The following SGTB variants were observed in gnomAD, a reference collection of about 807,000 sequenced individuals.
The protein encoded by SGTB is small glutamine-rich tetratricopeptide repeat-containing protein beta.
In SGTB, 19 loss-of-function variants were observed where a neutral mutation model predicts 43.9. The observed-to-expected ratio is 0.43, with a 90% CI of 0.30 to 0.63. The LOEUF is 0.63. Among genes scored for constraint, SGTB ranks in the 30% least tolerant of loss-of-function variants. The probability of loss-of-function intolerance (pLI) is 0.12; values close to 1 mark genes in which losing one functional copy is unlikely to be tolerated. For synonymous variants in SGTB, 116 were observed against 117.3 expected (o/e 0.99, Z 0.07); for missense variants, 304 against 358.9 (o/e 0.85, Z 1.24).
rs1757050329 is a variant in SGTB, at chr5:65,666,897, T to C, written c.*3349A>G. On this transcript the variant is annotated 3_prime_UTR_variant, in exon 11 of 11. Coordinates refer to ENST00000381007, the MANE Select transcript of SGTB (RefSeq NM_019072.3). ...TTTTAAAGTTTTTTTTCTTATAGTA[T>C]CTTTGTCTGGGTAATACTGGTCAAA... 6.6e-6 allele frequency: 1 copy of C among 152,202 alleles called. No homozygotes were observed. Among genetic ancestry groups the C allele is most frequent in the African/African-American group, 2.4e-5 (1 of 41,458 alleles). 9.4% of individuals were successfully genotyped at this position (152,202 alleles called of 1,614,324 possible).
intron 8 of SGTB, among the ~76,000 whole-genome samples, chr5:65,675,037 C>T (rs952539101): frequency 4.6e-5 from 7 of 152,052 alleles, no homozygotes; most frequent in African/African-American, 1.7e-4. Context: ...AAACTGATTC[C>T]TGCCTTCCAA....
intron 5 of SGTB, among the ~76,000 whole-genome samples, chr5:65,686,562 T>C (rs1044579415): frequency 5.3e-5 from 8 of 151,976 alleles, no homozygotes; most frequent in African/African-American, 1.9e-4. Flanking sequence ...TCTCGCTATA[T>C]TGCCCAGGCA....
chr5:65,695,077 AC>A (rs1561159406), intron 5 of SGTB, among the ~76,000 whole-genome samples: 1 of 152,194 alleles, frequency 6.6e-6, no homozygotes, highest in Non-Finnish European at 1.5e-5. Flanking sequence ...TAGAAAAAAA[AC>A]GTCTTGGCAG....
intron 2 of SGTB, among the ~76,000 whole-genome samples, chr5:65,713,935 G>A (rs1561167672): frequency 6.6e-6 from 1 of 151,924 alleles, no homozygotes; most frequent in East Asian, 1.9e-4. Context: ...AGGCTGAGGT[G>A]GGAGGATTGC....
Position 65,666,726 on chromosome 5 carries a change from A to G in SGTB, c.*3520T>C, listed in dbSNP as rs1187654309. 6.6e-6 allele frequency: 1 copy of G among 152,208 alleles called. No homozygotes were observed. Among genetic ancestry groups the G allele is most frequent in the Non-Finnish European group, 1.5e-5 (1 of 68,004 alleles). The allele number at this position is 152,208 out of a possible 1,614,324, so 9.4% of individuals were successfully genotyped here. A position where few individuals can be genotyped will look rare whatever the true frequency, so the allele number is the denominator to read the frequency against. On this transcript the variant is annotated 3_prime_UTR_variant, in exon 11 of 11. Coordinates refer to ENST00000381007, the MANE Select transcript of SGTB (RefSeq NM_019072.3). ...ATAGAATGGAAATGTAGGCAAGTGG[A>G]CAGATAGCATCTAGATTGAATTTGT...
rs969838993 is a variant in SGTB at position 65,669,999 on chromosome 5, T to A, written c.*247A>T. The A allele has an allele frequency of 7.4e-6, 3 of 404,648 alleles. No homozygotes were observed. Among genetic ancestry groups the A allele is most frequent in the Non-Finnish European group, 1.3e-5 (3 of 226,878 alleles). The allele number at this position is 404,648 out of a possible 1,614,324, so 25.1% of individuals were successfully genotyped here. On this transcript the variant is annotated 3_prime_UTR_variant, in exon 11 of 11. Transcript: ENST00000381007. The stretch of plus-strand genomic sequence containing the variant: ...AATGGAACCTTATCCCAGTGCTATA[T>A]TGGCACGTAACATGGCTAGTGATCA...
At chr5:65,708,727 CAT>C (rs1212588424) in intron 3 of SGTB, among the ~76,000 whole-genome samples, 169 bp from the exon 4 acceptor site, 3 of 151,386 alleles carry the variant, frequency 2.0e-5, no homozygotes, top group Non-Finnish European at 4.4e-5. Flanking sequence ...AAAGTCCTCT[CAT>C]ATATTTTTTA....
intron 5 of SGTB, among the ~76,000 whole-genome samples, chr5:65,689,902 G>GT (rs1757573044): frequency 7.5e-6 from 1 of 133,610 alleles, no homozygotes; most frequent in African/African-American, 2.7e-5. Context: ...CTTTGCTTCA[G>GT]TTTAAAAAAA....
chr5:65,666,441 T>C lies in SGTB; in HGVS notation c.*3805A>G, dbSNP rs992075316. On this transcript the variant is annotated 3_prime_UTR_variant, in exon 11 of 11. Coordinates refer to ENST00000381007, the MANE Select transcript of SGTB (RefSeq NM_019072.3). ...TGTTCTGTTTTACACAGTATCATAATAGCTACAGCTACTACAAGAAATATG... is the reference window on the plus strand; with the variant it reads ...TGTTCTGTTTTACACAGTATCATAACAGCTACAGCTACTACAAGAAATATG... 17 of 152,208 alleles carry C rather than the reference T, an allele frequency of 1.1e-4. No homozygotes were observed. Among genetic ancestry groups the C allele is most frequent in the African/African-American group, 3.6e-4 (15 of 41,470 alleles). 9.4% of individuals were successfully genotyped at this position (152,208 alleles called of 1,614,324 possible).
chr5:65,695,237 A>T (rs552583939), intron 5 of SGTB, among the ~76,000 whole-genome samples: 61 of 152,294 alleles, frequency 4.0e-4, no homozygotes, highest in South Asian at 2.9e-3. Flanking sequence ...ACAGAAAGAC[A>T]CCCTGAAATC....
At chr5:65,672,381 CA>C (rs1757176393) in intron 8 of SGTB, 100 bp from the exon 9 acceptor site, 17 of 1,398,588 alleles carry the variant, frequency 1.2e-5, no homozygotes, top group Admixed American at 1.1e-4. Context: ...ATCATGTATG[CA>C]CTAACATTTT....
At chr5:65,691,879 C>T (rs991976567) in intron 5 of SGTB, among the ~76,000 whole-genome samples, 2 of 149,574 alleles carry the variant, frequency 1.3e-5, no homozygotes, top group South Asian at 2.1e-4. Flanking sequence ...TGCAGTGAGC[C>T]GAGATCGCGC....
At chr5:65,704,939 G>A (rs1489471927) in intron 4 of SGTB, among the ~76,000 whole-genome samples, 2 of 152,086 alleles carry the variant, frequency 1.3e-5, no homozygotes. Context: ...TTTTAAAAGG[G>A]GATTTAAAGA....
chr5:65,722,562 C>T (rs1758340173), upstream of SGTB: 1 of 700,910 alleles, frequency 1.4e-6, no homozygotes, highest in Non-Finnish European at 2.2e-6. Flanking sequence ...AGGTGGACCC[C>T]TGGGGGACAC....
intron 5 of SGTB, among the ~76,000 whole-genome samples, chr5:65,699,815 TG>T (rs1377302019): frequency 6.6e-6 from 1 of 152,144 alleles, no homozygotes; most frequent in African/African-American, 2.4e-5. Flanking sequence ...AACATGAAAA[TG>T]GGAGTAAGAG....
In SGTB at chr5:65,670,006, G is replaced by A. The variant is rs183576587; in HGVS notation, c.*240C>T. On this transcript the variant is annotated 3_prime_UTR_variant, in exon 11 of 11. Transcript: ENST00000381007. ...CCTTATCCCAGTGCTATATTGGCAC[G>A]TAACATGGCTAGTGATCATTTCAAA... 361 of 415,148 alleles carry A rather than the reference G, an allele frequency of 8.7e-4. No individual in the cohort carries two copies. Among genetic ancestry groups the A allele is most frequent in the African/African-American group, 5.7e-3 (281 of 48,870 alleles). The allele number at this position is 415,148 out of a possible 1,614,324, so 25.7% of individuals were successfully genotyped here. A position where few individuals can be genotyped will look rare whatever the true frequency, so the allele number is the denominator to read the frequency against.
intron 6 of SGTB, among the ~76,000 whole-genome samples, chr5:65,684,871 C>T (rs556323366): frequency 7.2e-5 from 11 of 152,068 alleles, no homozygotes; most frequent in Admixed American, 2.0e-4. Flanking sequence ...TCCATTTTAA[C>T]AAGAAAAAAG....
chr5:65,712,082 C>T (rs552450355), intron 3 of SGTB, among the ~76,000 whole-genome samples: 1 of 152,048 alleles, frequency 6.6e-6, no homozygotes, highest in Non-Finnish European at 1.5e-5. Flanking sequence ...ACAAAGACCC[C>T]GTCGCTACTA....
At chr5:65,672,348 T>C in intron 8 of SGTB, 67 bp from the exon 9 acceptor site, 1 of 1,600,310 alleles carries the variant, frequency 6.2e-7, no homozygotes, top group Non-Finnish European at 8.5e-7. Context: ...CAAAGATTTT[T>C]TTTTTAGAAG....
Sources: allele counts gnomAD v4.1 joint callset (sites outside exome capture counted in the v4.1 genomes callset), GRCh38; gene constraint gnomAD v4.1.1; transcripts MANE v1.5; gene names NCBI Gene and HGNC (gene_info 2026-07-23, HGNC 2026-07-21).